The following LRBA variants were observed in gnomAD, a reference collection of about 807,000 sequenced individuals.
LRBA encodes LPS responsive beige-like anchor protein.
In LRBA, 176 loss-of-function variants were observed where a neutral mutation model predicts 330.0. That is an observed-to-expected ratio of 0.53 (90% confidence interval 0.47 to 0.60). The LOEUF (loss-of-function observed/expected upper bound fraction) is 0.60, where lower values mean the gene tolerates loss of function less well. Ranked by LOEUF, LRBA falls within the 20% of genes least tolerant of loss-of-function variation. LRBA has a pLI of 0.00. For synonymous variants in LRBA, 1,230 were observed against 1,193.0 expected, an observed-to-expected ratio of 1.03 and a Z score of -0.64; for missense variants, 3,259 against 3,444.8, an observed-to-expected ratio of 0.95 and a Z score of 1.35.
At chr4:150,838,308 T>C (rs1426324561) in intron 28 of LRBA, among the ~76,000 whole-genome samples, 1 of 152,202 alleles carries the variant, frequency 6.6e-6, no homozygotes, top group Admixed American at 6.5e-5. Context: ...TGTGATGTTC[T>C]CTGTATTTCC....
chr4:150,930,409 C>T (rs1224299120), intron 2 of LRBA, among the ~76,000 whole-genome samples: 1 of 151,964 alleles, frequency 6.6e-6, no homozygotes, highest in Non-Finnish European at 1.5e-5. Context: ...AGGAGAATCA[C>T]TTAAACCTGG....
At chr4:150,985,257 CA>C (rs1225680637) in intron 2 of LRBA, among the ~76,000 whole-genome samples, 13,192 of 80,156 alleles carry the variant, frequency 0.16, 698 homozygotes, top group Middle Eastern at 0.26. Context: ...GACTCCATCT[CA>C]AAAAAAAAAA....
intron 44 of LRBA, among the ~76,000 whole-genome samples, chr4:150,466,960 A>T (rs932807373): frequency 1.3e-5 from 2 of 152,218 alleles, no homozygotes; most frequent in East Asian, 3.9e-4. Context: ...AAGAGGTCCC[A>T]CCCGGGCTCC....
intron 14 of LRBA, among the ~76,000 whole-genome samples, 158 bp downstream of exon 14, chr4:150,899,891 C>T (rs1560979250): frequency 6.6e-6 from 1 of 152,042 alleles, no homozygotes; most frequent in African/African-American, 2.4e-5. Flanking sequence ...CAATTTAGGA[C>T]AAACTATTAA....
At chr4:150,854,275 T>A (rs1750960675) in intron 22 of LRBA, among the ~76,000 whole-genome samples, 1 of 152,244 alleles carries the variant, frequency 6.6e-6, no homozygotes, top group African/African-American at 2.4e-5. Context: ...AACTTAGAAA[T>A]CTTTTTATAA....
intron 35 of LRBA, among the ~76,000 whole-genome samples, chr4:150,742,928 G>A (rs1331636233): frequency 6.6e-6 from 1 of 151,994 alleles, no homozygotes; most frequent in Non-Finnish European, 1.5e-5. Context: ...AACAAAAAAA[G>A]AGCAAACATA....
At chr4:150,473,054 C>T (rs1756330363) in intron 42 of LRBA, among the ~76,000 whole-genome samples, 1 of 152,012 alleles carries the variant, frequency 6.6e-6, no homozygotes, top group African/African-American at 2.4e-5. Flanking sequence ...TGAGAAACCG[C>T]CAAATTGTTT....
intron 34 of LRBA, among the ~76,000 whole-genome samples, chr4:150,770,001 G>A (rs1468358894): frequency 2.0e-5 from 3 of 152,214 alleles, no homozygotes; most frequent in Non-Finnish European, 2.9e-5. Flanking sequence ...GGTTGTGTCT[G>A]TGAGGTTGTT....
intron 28 of LRBA, among the ~76,000 whole-genome samples, chr4:150,837,130 T>G (rs1432348124): frequency 6.6e-6 from 1 of 152,244 alleles, no homozygotes; most frequent in Non-Finnish European, 1.5e-5. Flanking sequence ...AATCCTGAGT[T>G]CTAGTTTGAT....
chr4:150,704,013 T>C (rs1441770338), intron 36 of LRBA, among the ~76,000 whole-genome samples: 1 of 152,098 alleles, frequency 6.6e-6, no homozygotes, highest in Non-Finnish European at 1.5e-5. Flanking sequence ...GGAACTCTCC[T>C]GCACAATATA....
At chr4:150,769,885 C>T (rs1240781401) in intron 34 of LRBA, among the ~76,000 whole-genome samples, 1 of 152,214 alleles carries the variant, frequency 6.6e-6, no homozygotes, top group Non-Finnish European at 1.5e-5. Context: ...CATGATACAA[C>T]TATTCTGTAT....
intron 30 of LRBA, among the ~76,000 whole-genome samples, chr4:150,825,050 C>A (rs539239411): frequency 1.3e-5 from 2 of 150,960 alleles, no homozygotes; most frequent in South Asian, 4.2e-4. Flanking sequence ...AGGTGTGAGT[C>A]ACTGCACCCA....
chr4:150,291,268 C>A (rs1728255682), intron 53 of LRBA, among the ~76,000 whole-genome samples: 1 of 137,640 alleles, frequency 7.3e-6, no homozygotes, highest in African/African-American at 2.7e-5. Flanking sequence ...AAGAAACTAC[C>A]ATCAGAGTGA....
intron 40 of LRBA, among the ~76,000 whole-genome samples, chr4:150,564,988 C>A (rs1561360618): frequency 6.6e-6 from 1 of 152,140 alleles, no homozygotes; most frequent in Non-Finnish European, 1.5e-5. Context: ...CCTCAAGGAT[C>A]TAGAACTAGG....
chr4:150,499,553 C>A (rs1014820489), intron 40 of LRBA, among the ~76,000 whole-genome samples: 1 of 151,942 alleles, frequency 6.6e-6, no homozygotes, highest in African/African-American at 2.4e-5. Flanking sequence ...GGTGGGAGGA[C>A]TGCTCGAGCC....
rs182881586 is a variant in LRBA, at chr4:150,684,697, T to C, written c.5755-980A>G. Among the ~76,000 whole-genome samples, 149 of 152,340 alleles carry C rather than the reference T, an allele frequency of 9.8e-4. 1 individual carries two copies. The highest frequency in any genetic ancestry group is 5.0e-4 in the Non-Finnish European group (34 of 68,020). On this transcript the variant is annotated intron_variant, in intron 36 of 56. Transcript: ENST00000651943. ...TAAAATAAGAAAACAAAGATGGATG[T>C]AGACTTGGTCCTTTGTTCTATTCAG...
intron 42 of LRBA, among the ~76,000 whole-genome samples, chr4:150,473,736 G>C (rs571299543): frequency 1.3e-5 from 2 of 152,144 alleles, no homozygotes; most frequent in African/African-American, 4.8e-5. Flanking sequence ...GGCTTTCCTG[G>C]GTCTCCAGCT....
At chr4:150,464,163 T>A (rs1755146049) in intron 44 of LRBA, among the ~76,000 whole-genome samples, 1 of 151,946 alleles carries the variant, frequency 6.6e-6, no homozygotes, top group Non-Finnish European at 1.5e-5. Flanking sequence ...ACAAAAAACA[T>A]CTGAATAAGC....
At chr4:150,883,323 G>T (rs1579089361) in intron 17 of LRBA, among the ~76,000 whole-genome samples, 1 of 152,104 alleles carries the variant, frequency 6.6e-6, no homozygotes, top group South Asian at 2.1e-4. Context: ...AGCCAGGCAT[G>T]GGGGTGGGCG....
Sources: allele counts gnomAD v4.1 joint callset (sites outside exome capture counted in the v4.1 genomes callset), GRCh38; gene constraint gnomAD v4.1.1; transcripts MANE v1.5; gene names NCBI Gene and HGNC (gene_info 2026-07-23, HGNC 2026-07-21).